RBMS1: variants seen among roughly 807,000 people sequenced by gnomAD.
RBMS1 encodes the protein RNA binding motif single stranded interacting protein 1, also known as RNA-binding motif, single-stranded-interacting protein 1.
RBMS1 carries 17 observed loss-of-function variants against 62.3 expected under a neutral mutation model. The observed-to-expected ratio is 0.27, with a 90% confidence interval of 0.19 to 0.41. The LOEUF (loss-of-function observed/expected upper bound fraction) is 0.41. Among genes scored for constraint, RBMS1 ranks in the 10% least tolerant of loss-of-function variants. RBMS1 has a pLI of 1.00. For synonymous variants in RBMS1, 172 were observed against 170.0 expected (o/e 1.01, Z -0.09); for missense variants, 334 against 504.5 (o/e 0.66, Z 3.24).
chr2:160,385,253 G>A (rs1247897941), intron 1 of RBMS1, among the ~76,000 whole-genome samples: 3 of 152,112 alleles, frequency 2.0e-5, no homozygotes, highest in South Asian at 2.1e-4. Flanking sequence ...GGGCTCCGCC[G>A]AGGGCACACA....
chr2:160,312,770 T>C (rs1438960611), intron 4 of RBMS1, among the ~76,000 whole-genome samples: 1 of 152,078 alleles, frequency 6.6e-6, no homozygotes, highest in African/African-American at 2.4e-5. Context: ...TAATTATCTT[T>C]TGAAACATGT....
At chr2:160,320,107 G>A (rs1052861310) in intron 2 of RBMS1, among the ~76,000 whole-genome samples, 1 of 152,164 alleles carries the variant, frequency 6.6e-6, no homozygotes, top group Non-Finnish European at 1.5e-5. Flanking sequence ...TATCTACCTA[G>A]GTTACATGCT....
Position 160,491,939 on chromosome 2 carries a change from A to C in RBMS1, c.75+1350T>G, listed in dbSNP as rs187145081. On this transcript the variant is annotated intron_variant, in intron 1 of 13. Transcript: ENST00000348849. ...AGTAAAGTGGGAATTGGGGGAAGTGAAAATGAGGCCCGGGATTGCTAGGAC... is the reference window on the plus strand; with the variant it reads ...AGTAAAGTGGGAATTGGGGGAAGTGCAAATGAGGCCCGGGATTGCTAGGAC... Among the ~76,000 whole-genome samples the C allele has an allele frequency of 5.9e-5, 9 of 152,326 alleles. No homozygotes were observed. The East Asian group carries it at 1.7e-3, about 29-fold the overall frequency.
chr2:160,397,162 T>C (rs1358018624), intron 1 of RBMS1, among the ~76,000 whole-genome samples: 1 of 152,062 alleles, frequency 6.6e-6, no homozygotes, highest in Non-Finnish European at 1.5e-5. Flanking sequence ...CATGGCTCCT[T>C]ACTACTGCTT....
chr2:160,491,116 A>G (rs1254182160), intron 1 of RBMS1, among the ~76,000 whole-genome samples: 2 of 152,132 alleles, frequency 1.3e-5, no homozygotes, highest in African/African-American at 2.4e-5. Flanking sequence ...GAGAGAAAAA[A>G]AAAAGGGCTG....
At chr2:160,418,297 G>A (rs1160038366) in intron 1 of RBMS1, among the ~76,000 whole-genome samples, 1 of 152,094 alleles carries the variant, frequency 6.6e-6, no homozygotes, top group East Asian at 1.9e-4. Context: ...TCCGGCACAC[G>A]GCATCAATTC....
In RBMS1 at chr2:160,493,283, C is replaced by T. The variant is rs1382089618; in HGVS notation, c.75+6G>A. On this transcript the variant is annotated splice_donor_region_variant and intron_variant, in intron 1 of 13. Transcript: ENST00000348849. ...CGGCCGTCACCTCTCCCCGGCGCCC[C>T]TTTACCTTGGCTTGCAGATACTGGG... 6.2e-7 allele frequency: 1 copy of T among 1,612,908 alleles called. No homozygotes were observed. Among genetic ancestry groups the T allele is most frequent in the Non-Finnish European group, 8.5e-7 (1 of 1,179,202 alleles).
intron 1 of RBMS1, among the ~76,000 whole-genome samples, chr2:160,429,809 T>C (rs1162079589): frequency 6.6e-6 from 1 of 152,234 alleles, no homozygotes; most frequent in Non-Finnish European, 1.5e-5. Context: ...ACTCTGCATG[T>C]GCTTTCCCAA....
In RBMS1 at chr2:160,274,716, T is replaced by C. The variant is rs1260551116; in HGVS notation, c.*56A>G. The C allele has an allele frequency of 1.3e-5, 2 of 152,594 alleles. No individual in the cohort carries two copies. Among genetic ancestry groups the C allele is most frequent in the African/African-American group, 4.8e-5 (2 of 41,444 alleles). The allele number at this position is 152,594 out of a possible 1,614,324, so 9.5% of individuals were successfully genotyped here. On this transcript the variant is annotated 3_prime_UTR_variant, in exon 14 of 14. Transcript: ENST00000348849. ...CACAATTGATCAGAAAAATCCATGA[T>C]TGTTCAGCCTTCACACCCTTCTTCA... is the stretch of plus-strand genomic sequence containing the variant.
intron 1 of RBMS1, among the ~76,000 whole-genome samples, chr2:160,375,531 T>A (rs576758048): frequency 6.6e-6 from 1 of 152,210 alleles, no homozygotes; most frequent in Admixed American, 6.5e-5. Flanking sequence ...AGAGACTGTA[T>A]GTTACTTAGC....
intron 1 of RBMS1, among the ~76,000 whole-genome samples, chr2:160,451,167 A>AAAAAAAAT (rs944420996): frequency 8.7e-5 from 11 of 126,042 alleles, no homozygotes; most frequent in Admixed American, 2.6e-4. Context: ...AGAAAAAAAA[A>AAAAAAAAT]AATAAATAAA....
At chr2:160,348,307 C>T (rs1470519015) in intron 2 of RBMS1, among the ~76,000 whole-genome samples, 2 of 152,064 alleles carry the variant, frequency 1.3e-5, no homozygotes, top group African/African-American at 4.8e-5. Context: ...TTTTCATTTA[C>T]TTACAAGAAT....
Position 160,274,526 on chromosome 2 carries a change from G to GTTTTTT in RBMS1, c.*240_*245dup, listed in dbSNP as rs142283414. The GTTTTTT allele has an allele frequency of 8.7e-6, 1 of 114,780 alleles. No homozygotes were observed. The highest frequency in any genetic ancestry group is 3.2e-5 in the African/African-American group (1 of 31,492). 7.1% of individuals were successfully genotyped at this position (114,780 alleles called of 1,614,324 possible). A position where few individuals can be genotyped will look rare whatever the true frequency, so the allele number is the denominator to read the frequency against. ...TAAAAATCTTTTGTTTTTGTTTTTTGTTTTTTTTTTTTTACTAAAATAAAC... is the reference window on the plus strand; with the variant it reads ...TAAAAATCTTTTGTTTTTGTTTTTTGTTTTTTTTTTTTTTTTTTTACTAAAATAAAC... On this transcript the variant is annotated 3_prime_UTR_variant, in exon 14 of 14. Coordinates refer to ENST00000348849, the MANE Select transcript of RBMS1 (RefSeq NM_016836.4).
chr2:160,292,028 T>G (rs1264476114), intron 6 of RBMS1, among the ~76,000 whole-genome samples: 2 of 152,226 alleles, frequency 1.3e-5, no homozygotes, highest in African/African-American at 2.4e-5. Context: ...CCTTGTTTAA[T>G]GGTGACATAG....
intron 1 of RBMS1, among the ~76,000 whole-genome samples, chr2:160,441,219 G>A (rs1332926654): frequency 6.6e-6 from 1 of 151,406 alleles, no homozygotes; most frequent in African/African-American, 2.4e-5. Flanking sequence ...TTTTTTTATT[G>A]CTAAGTAGTA....
chr2:160,386,027 C>A (rs1359652679), intron 1 of RBMS1, among the ~76,000 whole-genome samples: 2 of 152,250 alleles, frequency 1.3e-5, no homozygotes, highest in Middle Eastern at 3.4e-3. Context: ...AACTTCTGAA[C>A]TAGAATTTAT....
intron 1 of RBMS1, among the ~76,000 whole-genome samples, chr2:160,398,220 CACTCACCACTA>C (rs1173760192): frequency 6.6e-6 from 1 of 152,186 alleles, no homozygotes; most frequent in Non-Finnish European, 1.5e-5. Flanking sequence ...TACTCTAAAC[CACTCACCACTA>C]TATCTGCCCA....
At chr2:160,411,601 G>A (rs534414228) in intron 1 of RBMS1, among the ~76,000 whole-genome samples, 5 of 152,302 alleles carry the variant, frequency 3.3e-5, no homozygotes, top group Non-Finnish European at 7.3e-5. Flanking sequence ...GCAGATCTGG[G>A]TCCATATTTC....
intron 2 of RBMS1, among the ~76,000 whole-genome samples, chr2:160,352,770 C>T (rs1692588526): frequency 6.6e-6 from 1 of 152,112 alleles, no homozygotes; most frequent in African/African-American, 2.4e-5. Flanking sequence ...GGCACACACC[C>T]TCACCATGAT....
Sources: allele counts gnomAD v4.1 joint callset (sites outside exome capture counted in the v4.1 genomes callset), GRCh38; gene constraint gnomAD v4.1.1; transcripts MANE v1.5; gene names NCBI Gene and HGNC (gene_info 2026-07-23, HGNC 2026-07-21).